The following RUSC2 variants were observed in gnomAD, a reference collection of about 807,000 sequenced individuals.
The protein encoded by RUSC2 is RUN and SH3 domain containing 2, also known as AP-4 complex accessory subunit RUSC2.
A neutral mutation model predicts 122.2 loss-of-function variants in RUSC2; 34 were observed. That is an observed-to-expected ratio of 0.28 (90% CI 0.21 to 0.37). RUSC2 has a LOEUF of 0.37. Ranked by LOEUF, RUSC2 falls within the 10% of genes least tolerant of loss-of-function variation. RUSC2 has a pLI of 1.00. For synonymous variants in RUSC2, 784 were observed against 790.0 expected (o/e 0.99, Z 0.13); for missense variants, 1,747 against 1,952.4 (o/e 0.89, Z 1.98).
At chr9:35,545,380 G>A (rs866357573) in intron 1 of RUSC2, among the ~76,000 whole-genome samples, 4 of 152,186 alleles carry the variant, frequency 2.6e-5, no homozygotes, top group African/African-American at 9.7e-5. Flanking sequence ...CGACCTGAAC[G>A]TGGAAACACA....
chr9:35,549,270 C>T (rs1587863802), intron 2 of RUSC2: 1 of 956,122 alleles, frequency 1.0e-6, no homozygotes, highest in Non-Finnish European at 1.2e-6. Flanking sequence ...AACAACAACA[C>T]ACACACACTG....
chr9:35,533,583 A>G (rs1276671201), intron 1 of RUSC2, among the ~76,000 whole-genome samples: 1 of 152,190 alleles, frequency 6.6e-6, no homozygotes, highest in Non-Finnish European at 1.5e-5. Context: ...ACATTTCATC[A>G]TTCCCAAAAG....
chr9:35,544,240 C>G (rs189881059), intron 1 of RUSC2, among the ~76,000 whole-genome samples: 1 of 150,740 alleles, frequency 6.6e-6, no homozygotes, highest in Admixed American at 6.6e-5. Context: ...TGGTTAGACA[C>G]TTGTATGTCT....
intron 2 of RUSC2, among the ~76,000 whole-genome samples, chr9:35,551,188 G>A (rs1821886680): frequency 6.6e-6 from 1 of 152,180 alleles, no homozygotes; most frequent in South Asian, 2.1e-4. Flanking sequence ...GAAGAATCCT[G>A]AAGGCAACAT....
chr9:35,558,073 A>C lies in RUSC2; in HGVS notation c.3060+83A>C. 6.3e-7 allele frequency: 1 copy of C among 1,584,558 alleles called. No homozygotes were observed. The highest frequency in any genetic ancestry group is 8.7e-7 in the Non-Finnish European group (1 of 1,154,548). On this transcript the variant is annotated intron_variant, in intron 6 of 11. Coordinates refer to ENST00000361226, the MANE Select transcript of RUSC2 (RefSeq NM_014806.5). The surrounding 1 kb of genome is among the most constrained non-coding windows in gnomAD (Gnocchi z 4.3). Reference sequence around the variant, plus strand: ...CTACCACCTTCCCTTGCTGTCTTGCATTTAGAGCCCAGGGTTGGGTACTTA... The same window carrying C: ...CTACCACCTTCCCTTGCTGTCTTGCCTTTAGAGCCCAGGGTTGGGTACTTA...
At chr9:35,561,125 G>A (rs753372252) in intron 11 of RUSC2, 28 bp downstream of exon 11, 1 of 1,613,284 alleles carries the variant, frequency 6.2e-7, no homozygotes, top group Non-Finnish European at 8.5e-7. Flanking sequence ...GAAGGGCTGA[G>A]GGGGGCGGGG....
At chr9:35,523,241 G>GT (rs540449385) in intron 1 of RUSC2, among the ~76,000 whole-genome samples, 10 of 152,250 alleles carry the variant, frequency 6.6e-5, no homozygotes, top group Admixed American at 6.5e-4. Context: ...AAATTATAAT[G>GT]TTTTTTATAA....
chr9:35,554,927 G>A (rs946108474), intron 2 of RUSC2, 133 bp from the exon 3 acceptor site: 31 of 975,432 alleles, frequency 3.2e-5, no homozygotes, highest in South Asian at 1.8e-4. Context: ...CCCATTCCAC[G>A]AACTTCTACC....
intron 2 of RUSC2, among the ~76,000 whole-genome samples, chr9:35,550,541 G>T (rs1341108248): frequency 6.6e-6 from 1 of 151,192 alleles, no homozygotes; most frequent in African/African-American, 2.4e-5. Context: ...CAGGAGAATC[G>T]CTTGAACCCA....
At chr9:35,529,244 G>A (rs987227652) in intron 1 of RUSC2, among the ~76,000 whole-genome samples, 1 of 152,018 alleles carries the variant, frequency 6.6e-6, no homozygotes, top group Admixed American at 6.6e-5. Flanking sequence ...ATGCCTTATA[G>A]GAGCCAGACA....
chr9:35,536,835 A>G (rs1015026110), intron 1 of RUSC2, among the ~76,000 whole-genome samples: 2 of 150,198 alleles, frequency 1.3e-5, no homozygotes, highest in Non-Finnish European at 3.0e-5. Context: ...AAAAAAGAAT[A>G]GACAGCCGAG....
chr9:35,512,130 A>T (rs993705175), intron 1 of RUSC2, among the ~76,000 whole-genome samples: 1 of 152,092 alleles, frequency 6.6e-6, no homozygotes, highest in South Asian at 2.1e-4. Context: ...GCAGTGAGCC[A>T]AGATCGCGCC....
chr9:35,513,270 C>T lies in RUSC2; in HGVS notation c.-93+23098C>T, dbSNP rs1264011732. On this transcript the variant is annotated intron_variant, in intron 1 of 11. Coordinates refer to ENST00000361226, the MANE Select transcript of RUSC2 (RefSeq NM_014806.5). ...TCTCACTTGTAAAAGAAGAGTTATA[C>T]CTGAAGAGATTTTCCAGGCTGGAGT... Among the ~76,000 whole-genome samples the T allele has an allele frequency of 1.3e-5, 2 of 151,816 alleles. 1 individual carries two copies. The highest frequency in any genetic ancestry group is 4.2e-4 in the South Asian group (2 of 4,788).
chr9:35,496,757 C>T (rs1011353631), intron 1 of RUSC2, among the ~76,000 whole-genome samples: 7 of 152,140 alleles, frequency 4.6e-5, no homozygotes, highest in African/African-American at 1.4e-4. Flanking sequence ...TCGCCCTGCA[C>T]CTGATTAAGC....
rs770877739 is a variant in RUSC2, at chr9:35,508,538, CTGT to C, written c.-93+18371_-93+18373del. Among the ~76,000 whole-genome samples the C allele has an allele frequency of 6.8e-4, 103 of 152,332 alleles. 2 individuals are homozygous for C. In the Middle Eastern group the frequency reaches 0.02, roughly 30 times the overall value. ...TGATATGTGTGACAATGAATTTCCT[CTGT>C]TGTTTAAGCCACTCTGAGATTGTCG... On this transcript the variant is annotated intron_variant, in intron 1 of 11. Coordinates refer to ENST00000361226, the MANE Select transcript of RUSC2 (RefSeq NM_014806.5).
intron 1 of RUSC2, among the ~76,000 whole-genome samples, chr9:35,496,226 C>A (rs187690368): frequency 6.6e-6 from 1 of 152,118 alleles, no homozygotes; most frequent in South Asian, 2.1e-4. Context: ...TTCAATCGAG[C>A]GGGTTCTCAG....
chr9:35,520,496 T>C (rs1204582131), intron 1 of RUSC2, among the ~76,000 whole-genome samples: 1 of 152,206 alleles, frequency 6.6e-6, no homozygotes, highest in African/African-American at 2.4e-5. Context: ...TTACTGTGCG[T>C]ATGTGGCCTT....
At chr9:35,536,738 T>A (rs1252939085) in intron 1 of RUSC2, among the ~76,000 whole-genome samples, 3 of 132,038 alleles carry the variant, frequency 2.3e-5, no homozygotes, top group African/African-American at 8.4e-5. Context: ...CACTTGATCC[T>A]GGGAGACAGA....
chr9:35,559,684 G>A lies in RUSC2; in HGVS notation c.3389-345G>A, dbSNP rs547585029. Among the ~76,000 whole-genome samples, 104 of 152,150 alleles carry A rather than the reference G, an allele frequency of 6.8e-4. 1 individual carries two copies. Among genetic ancestry groups the A allele is most frequent in the Non-Finnish European group, 1.1e-3 (73 of 68,028 alleles). ...TGAGAGGCAGAGGTTGCAGTGAGCC[G>A]AGATCATGCCACTGCACTCCAGCTT... On this transcript the variant is annotated intron_variant, in intron 9 of 11. Coordinates refer to ENST00000361226, the MANE Select transcript of RUSC2 (RefSeq NM_014806.5).
Sources: gnomAD v4.1 joint callset for allele counts (sites outside exome capture counted in the v4.1 genomes callset) on GRCh38, gnomAD v4.1.1 for gene constraint, Gnocchi (gnomAD v3.1) non-coding constraint, MANE v1.5 for transcripts, NCBI Gene and HGNC (gene_info 2026-07-23, HGNC 2026-07-21) for gene names.